TMEM156: variants seen among roughly 807,000 people sequenced by gnomAD.
The protein encoded by TMEM156 is transmembrane protein 156.
In TMEM156, 28 loss-of-function variants were observed where a neutral mutation model predicts 30.5. That is an observed-to-expected ratio of 0.92 (90% CI 0.68 to 1.26). TMEM156 has a LOEUF of 1.26. TMEM156 is among the 50% of genes most tolerant of loss of function. The pLI is 0.00. For missense variants in TMEM156, 351 were observed against 340.6 expected, an observed-to-expected ratio of 1.03 and a Z score of -0.24; for synonymous variants, 137 against 119.9, an observed-to-expected ratio of 1.14 and a Z score of -0.93.
At chr4:38,970,966 A>G in intron 6 of TMEM156, 66 bp downstream of exon 6, 1 of 1,069,942 alleles carries the variant, frequency 9.3e-7, no homozygotes, top group Non-Finnish European at 1.4e-6. Flanking sequence ...TTTGGGATCA[A>G]CTGTGCATCC....
At chr4:39,015,252 A>G (rs974647883) in intron 1 of TMEM156, among the ~76,000 whole-genome samples, 1 of 152,200 alleles carries the variant, frequency 6.6e-6, no homozygotes, top group African/African-American at 2.4e-5. Context: ...ACCTGTAAAT[A>G]TATTACATAA....
rs548315534 is a variant in TMEM156, at chr4:39,017,205, C to T, written c.88+15021G>A. 7.4e-4 allele frequency among the ~76,000 whole-genome samples: 83 copies of T among 111,584 alleles called. No individual in the cohort carries two copies. The East Asian group carries it at 0.011, about 15-fold the overall frequency. The allele number at this position is 111,584 out of a possible 152,430, so 73.2% of individuals were successfully genotyped here. A position where few individuals can be genotyped will look rare whatever the true frequency, so the allele number is the denominator to read the frequency against. Reference sequence around the variant, plus strand: ...TTTTTTTTTTTTTGAGACAGAGTCTCGCTCTGTCTCCCAGGCTGGAGTTCA... The same window carrying T: ...TTTTTTTTTTTTTGAGACAGAGTCTTGCTCTGTCTCCCAGGCTGGAGTTCA... On this transcript the variant is annotated intron_variant, in intron 1 of 6. Coordinates refer to ENST00000381938, the MANE Select transcript of TMEM156 (RefSeq NM_024943.3).
intron 1 of TMEM156, among the ~76,000 whole-genome samples, chr4:39,006,897 C>T (rs919378971): frequency 6.6e-6 from 1 of 152,146 alleles, no homozygotes; most frequent in African/African-American, 2.4e-5. Flanking sequence ...GAGCCATGAT[C>T]ATACCACTGC....
chr4:39,023,493 A>G (rs1184381983), intron 1 of TMEM156, among the ~76,000 whole-genome samples: 1 of 152,212 alleles, frequency 6.6e-6, no homozygotes, highest in Non-Finnish European at 1.5e-5. Context: ...ACAAAAAGAT[A>G]GGAGCTACTA....
intron 1 of TMEM156, among the ~76,000 whole-genome samples, 154 bp from the exon 2 acceptor site, chr4:38,999,063 A>G (rs1174494414): frequency 6.6e-6 from 1 of 151,770 alleles, no homozygotes; most frequent in Non-Finnish European, 1.5e-5. Context: ...TGAATTAACA[A>G]TAACTATTCC....
intron 1 of TMEM156, among the ~76,000 whole-genome samples, chr4:39,017,477 C>T (rs759337994): frequency 2.0e-4 from 31 of 152,138 alleles, no homozygotes; most frequent in Admixed American, 5.2e-4. Context: ...CCGCACCCAG[C>T]CCAAGTATGT....
intron 5 of TMEM156, among the ~76,000 whole-genome samples, chr4:38,975,355 G>A (rs924295527): frequency 1.3e-5 from 2 of 149,404 alleles, no homozygotes; most frequent in Non-Finnish European, 3.0e-5. Flanking sequence ...CTAGCAGTCT[G>A]TGATTTTTTT....
chr4:38,971,318 A>C (rs769888797), intron 5 of TMEM156, among the ~76,000 whole-genome samples, 181 bp from the exon 6 acceptor site: 4 of 152,144 alleles, frequency 2.6e-5, no homozygotes, highest in Non-Finnish European at 5.9e-5. Flanking sequence ...CATTTCTCTC[A>C]ACTCCTCACC....
chr4:38,996,087 T>A (rs1328471391), intron 2 of TMEM156, among the ~76,000 whole-genome samples: 1 of 152,040 alleles, frequency 6.6e-6, no homozygotes, highest in Non-Finnish European at 1.5e-5. Flanking sequence ...TTGCAAAAAA[T>A]ATATATATCA....
At chr4:38,975,937 C>T (rs1577506259) in intron 5 of TMEM156, among the ~76,000 whole-genome samples, 1 of 151,900 alleles carries the variant, frequency 6.6e-6, no homozygotes, top group Non-Finnish European at 1.5e-5. Context: ...AGGTAAAATC[C>T]CTTAAAAGAG....
chr4:38,986,579 C>T (rs1468091031), intron 4 of TMEM156, among the ~76,000 whole-genome samples, 160 bp from the exon 5 acceptor site: 1 of 151,854 alleles, frequency 6.6e-6, no homozygotes, highest in African/African-American at 2.4e-5. Context: ...GAGGCTGAGG[C>T]AGGGAGATCA....
In TMEM156 at chr4:38,998,874, A is replaced by G; in HGVS notation, c.124T>C (p.Leu42=). The change falls in exon 2 of 7, where the codon TTG becomes CTG. Residue 42 remains leucine (L), a synonymous_variant. Transcript: ENST00000381938. The part of the protein sequence containing the change: ...TLELSCLEVC[L]QSNFTYSLSS... ...AGTGAATAGGTAAAATTAGATTGCA[A>G]ACACACTTCCAGACATGATAGCTCC... 6.2e-7 allele frequency: 1 copy of G among 1,613,776 alleles called. No individual in the cohort carries two copies. Among genetic ancestry groups the G allele is most frequent in the Non-Finnish European group, 8.5e-7 (1 of 1,179,888 alleles).
chr4:39,020,786 G>C (rs1714815227), intron 1 of TMEM156, among the ~76,000 whole-genome samples: 1 of 152,072 alleles, frequency 6.6e-6, no homozygotes, highest in Non-Finnish European at 1.5e-5. Flanking sequence ...TTGACCTCAT[G>C]ATCTGCCCAC....
chr4:38,971,290 T>A (rs1722586023), intron 5 of TMEM156, among the ~76,000 whole-genome samples, 153 bp from the exon 6 acceptor site: 1 of 152,204 alleles, frequency 6.6e-6, no homozygotes, highest in Non-Finnish European at 1.5e-5. Flanking sequence ...CCTGCCTACC[T>A]CTCTAACACC....
At chr4:39,004,064 A>G (rs1260910128) in intron 1 of TMEM156, among the ~76,000 whole-genome samples, 1 of 152,238 alleles carries the variant, frequency 6.6e-6, no homozygotes, top group Non-Finnish European at 1.5e-5. Flanking sequence ...TTTAAGAAAT[A>G]AATAAATTCT....
intron 5 of TMEM156, among the ~76,000 whole-genome samples, chr4:38,983,652 G>A (rs1409920814): frequency 6.6e-6 from 1 of 152,078 alleles, no homozygotes; most frequent in East Asian, 1.9e-4. Context: ...CTCCCACCTC[G>A]GCCTCCTAAA....
At chr4:39,026,754 C>T (rs1184423778) in intron 1 of TMEM156, among the ~76,000 whole-genome samples, 1 of 151,736 alleles carries the variant, frequency 6.6e-6, no homozygotes, top group Non-Finnish European at 1.5e-5. Context: ...TAGCAAAGCC[C>T]CATCCCTACT....
intron 5 of TMEM156, among the ~76,000 whole-genome samples, chr4:38,974,672 T>A (rs899071749): frequency 2.3e-5 from 3 of 127,798 alleles, no homozygotes; most frequent in Non-Finnish European, 5.1e-5. Flanking sequence ...TAATTAAAAG[T>A]AATTTTTTTT....
chr4:38,994,737 C>CA (rs1206996486), intron 2 of TMEM156, among the ~76,000 whole-genome samples: 1 of 152,116 alleles, frequency 6.6e-6, no homozygotes, highest in African/African-American at 2.4e-5. Context: ...CACCTGAGGT[C>CA]AGGGGTTCGA....
Sources: allele counts gnomAD v4.1 joint callset (sites outside exome capture counted in the v4.1 genomes callset), GRCh38; gene constraint gnomAD v4.1.1; transcripts MANE v1.5; gene names NCBI Gene and HGNC (gene_info 2026-07-23, HGNC 2026-07-21).